The following GRID1 variants were observed in gnomAD, a reference collection of about 807,000 sequenced individuals.
The protein encoded by GRID1 is glutamate receptor ionotropic, delta-1.
GRID1 carries 28 observed loss-of-function variants against 98.0 expected under a neutral mutation model. The observed-to-expected ratio is 0.29, with a 90% CI of 0.21 to 0.39. GRID1 has a LOEUF of 0.39. GRID1 is among the 10% of genes least tolerant of loss of function. The pLI is 1.00. For synonymous variants in GRID1, 553 were observed against 538.5 expected (o/e 1.03, Z -0.37); for missense variants, 1,111 against 1,340.5 (o/e 0.83, Z 2.67).
chr10:86,359,807 G>A (rs1283096558), intron 2 of GRID1, among the ~76,000 whole-genome samples: 1 of 152,168 alleles, frequency 6.6e-6, no homozygotes, highest in Non-Finnish European at 1.5e-5. Flanking sequence ...ACAACAATCT[G>A]AAATTTTTTT....
At chr10:85,630,207 T>G (rs999638019) in intron 13 of GRID1, among the ~76,000 whole-genome samples, 19 of 152,234 alleles carry the variant, frequency 1.2e-4, no homozygotes, top group African/African-American at 4.6e-4. Flanking sequence ...CGGCATGGTA[T>G]GTTGGCAAGA....
chr10:86,249,174 G>A (rs1589425956), intron 2 of GRID1, among the ~76,000 whole-genome samples: 1 of 152,214 alleles, frequency 6.6e-6, no homozygotes, highest in Non-Finnish European at 1.5e-5. Flanking sequence ...TAGGTGGGGA[G>A]AGGGTCCCAT....
At chr10:86,227,014 G>A (rs1846361756) in intron 2 of GRID1, among the ~76,000 whole-genome samples, 1 of 152,188 alleles carries the variant, frequency 6.6e-6, no homozygotes, top group African/African-American at 2.4e-5. Flanking sequence ...GCATCTACCA[G>A]AGGAGCCACC....
In GRID1 at chr10:86,138,846, T is replaced by C. The variant is rs1228964476; in HGVS notation, c.699A>G (p.Pro233=). The change falls in exon 4 of 16, where the codon CCA becomes CCG. Residue 233 remains proline, a synonymous_variant. Coordinates refer to ENST00000327946, the MANE Select transcript of GRID1 (RefSeq NM_017551.3). The part of the protein sequence containing the change: ...TLRRAILLLS[P]QGAHSFINEA... ...CGTTGATGAAGGAGTGGGCTCCCTG[T>C]GGGCTGAGCAGCAGGATGGCGCGGC... 20 of 1,614,172 alleles carry C rather than the reference T, an allele frequency of 1.2e-5. No homozygotes were observed. The highest frequency in any genetic ancestry group is 1.6e-5 in the Non-Finnish European group (19 of 1,180,000).
chr10:85,622,873 C>T (rs1175690327), intron 13 of GRID1, among the ~76,000 whole-genome samples: 1 of 152,160 alleles, frequency 6.6e-6, no homozygotes, highest in Admixed American at 6.5e-5. Context: ...CTTGACTGAG[C>T]CCTGCTTAAG....
At chr10:86,328,553 T>G (rs1848088224) in intron 2 of GRID1, among the ~76,000 whole-genome samples, 2 of 152,204 alleles carry the variant, frequency 1.3e-5, no homozygotes, top group Admixed American at 6.5e-5. Flanking sequence ...CCGAAGCACT[T>G]TCATGGGCTT....
At chr10:85,628,599 T>C (rs180681878) in intron 13 of GRID1, among the ~76,000 whole-genome samples, 57 of 152,266 alleles carry the variant, frequency 3.7e-4, no homozygotes, top group Non-Finnish European at 7.9e-4. Context: ...GATGTGAGGC[T>C]GTGAGGCAGA....
intron 3 of GRID1, among the ~76,000 whole-genome samples, chr10:86,178,133 A>C (rs1010395951): frequency 8.5e-5 from 13 of 152,238 alleles, no homozygotes; most frequent in African/African-American, 2.9e-4. Flanking sequence ...CTCCAAAGTC[A>C]GTTCCCCAAG....
rs531504753 is a variant in GRID1, at chr10:85,956,391, T to G, written c.727-40152A>C. Among the ~76,000 whole-genome samples the G allele has an allele frequency of 5.3e-5, 8 of 152,320 alleles. No homozygotes were observed. The South Asian group carries it at 1.7e-3, about 32-fold the overall frequency. The stretch of plus-strand genomic sequence containing the variant: ...CTCCCCAGCACTCTCTTCTGGAAAC[T>G]TATAAGCTGCCAATGCTCATTCCTT... On this transcript the variant is annotated intron_variant, in intron 4 of 15. Transcript: ENST00000327946.
chr10:86,256,163 C>A (rs568551351), intron 2 of GRID1, among the ~76,000 whole-genome samples: 1 of 152,300 alleles, frequency 6.6e-6, no homozygotes, highest in South Asian at 2.1e-4. Flanking sequence ...TGGGCCCCTA[C>A]CCAATAGCTC....
chr10:86,076,709 T>C (rs1364625102), intron 4 of GRID1, among the ~76,000 whole-genome samples: 1 of 152,142 alleles, frequency 6.6e-6, no homozygotes, highest in African/African-American at 2.4e-5. Context: ...ACTGATTAGG[T>C]GAGGCCCACC....
intron 5 of GRID1, among the ~76,000 whole-genome samples, chr10:85,895,012 A>ATATATATATATATAT (rs1269376668): frequency 8.6e-6 from 1 of 115,960 alleles, no homozygotes; most frequent in African/African-American, 3.0e-5. Context: ...AAAAAAAAAA[A>ATATATATATATATAT]AAAAATATAT....
intron 4 of GRID1, among the ~76,000 whole-genome samples, chr10:86,124,113 A>G (rs777863584): frequency 5.9e-5 from 9 of 152,196 alleles, no homozygotes; most frequent in Non-Finnish European, 7.3e-5. Flanking sequence ...CAATTCCCTT[A>G]GGATTTCTGT....
At chr10:86,033,826 C>T (rs984698657) in intron 4 of GRID1, among the ~76,000 whole-genome samples, 1 of 152,222 alleles carries the variant, frequency 6.6e-6, no homozygotes, top group African/African-American at 2.4e-5. Context: ...GCCCAATTCC[C>T]ACCAACCAGC....
At chr10:85,673,861 G>C (rs1352844203) in intron 12 of GRID1, among the ~76,000 whole-genome samples, 1 of 151,908 alleles carries the variant, frequency 6.6e-6, no homozygotes, top group African/African-American at 2.4e-5. Context: ...TTAACCTTAG[G>C]TTAAAATGAG....
chr10:86,110,963 GC>G (rs1844472549), intron 4 of GRID1, among the ~76,000 whole-genome samples: 1 of 152,168 alleles, frequency 6.6e-6, no homozygotes, highest in Non-Finnish European at 1.5e-5. Context: ...GTTAGTAATT[GC>G]CAAAATAATG....
chr10:85,599,802 A>AAAAAAAAAAAAAAAAAAAAAAATAT lies in GRID1; in HGVS notation c.*2470_*2471insATATTTTTTTTTTTTTTTTTTTTTT. On this transcript the variant is annotated 3_prime_UTR_variant, in exon 16 of 16. Transcript: ENST00000327946. Reference sequence around the variant, plus strand: ...GTAGAAAATTCTAAAAAAAAAAAAAAATATATATATATATATATAAACATG... The same window carrying AAAAAAAAAAAAAAAAAAAAAAATAT: ...GTAGAAAATTCTAAAAAAAAAAAAAAAAAAAAAAAAAAAAAAAAAAAATATATATATATATATATATATAAACATG... 1 of 64,996 alleles carries AAAAAAAAAAAAAAAAAAAAAAATAT rather than the reference A, an allele frequency of 1.5e-5. No homozygotes were observed. Among genetic ancestry groups the AAAAAAAAAAAAAAAAAAAAAAATAT allele is most frequent in the African/African-American group, 9.3e-5 (1 of 10,726 alleles). The allele number at this position is 64,996 out of a possible 1,614,324, so 4.0% of individuals were successfully genotyped here.
In GRID1 at chr10:86,341,793, C is replaced by T. The variant is rs552942371; in HGVS notation, c.235+22148G>A. Among the ~76,000 whole-genome samples the T allele has an allele frequency of 1.5e-3, 225 of 152,324 alleles. 3 individuals carry two copies. The highest frequency in any genetic ancestry group is 5.0e-3 in the African/African-American group (207 of 41,580). On this transcript the variant is annotated intron_variant, in intron 2 of 15. Coordinates refer to ENST00000327946, the MANE Select transcript of GRID1 (RefSeq NM_017551.3). ...GGCTCAAAGGGCCTGGACCGAGTGG[C>T]TTCCAAATGGGGTTTCCAGGCTCAA...
intron 4 of GRID1, among the ~76,000 whole-genome samples, chr10:86,106,126 C>A (rs369486283): frequency 6.6e-6 from 1 of 152,126 alleles, no homozygotes; most frequent in Non-Finnish European, 1.5e-5. Context: ...ACCCTTTGCT[C>A]CTGCTCTAGG....
Sources: allele counts gnomAD v4.1 joint callset (sites outside exome capture counted in the v4.1 genomes callset), GRCh38; gene constraint gnomAD v4.1.1; transcripts MANE v1.5; gene names NCBI Gene and HGNC (gene_info 2026-07-23, HGNC 2026-07-21).